NBEAL1: variants seen among roughly 807,000 people sequenced by gnomAD.
The protein encoded by NBEAL1 is neurobeachin-like protein 1.
NBEAL1 carries 273 observed loss-of-function variants against 351.3 expected under a neutral mutation model. The ratio of observed to expected loss-of-function variants is 0.78; its 90% CI spans 0.70 to 0.86. The LOEUF is 0.86. Ranked by LOEUF, NBEAL1 falls within the 40% of genes least tolerant of loss-of-function variation. The pLI, the probability that NBEAL1 is intolerant of heterozygous loss-of-function variation, is 0.00. For synonymous variants in NBEAL1, 1,050 were observed against 1,086.4 expected (o/e 0.97, Z 0.66); for missense variants, 2,961 against 3,201.3 (o/e 0.92, Z 1.81).
intron 6 of NBEAL1, among the ~76,000 whole-genome samples, chr2:203,058,345 A>G (rs1349516970): frequency 6.6e-6 from 1 of 152,134 alleles, no homozygotes; most frequent in Non-Finnish European, 1.5e-5. Context: ...CACACTTGGT[A>G]TTTTAAAAGA....
intron 24 of NBEAL1, among the ~76,000 whole-genome samples, chr2:203,129,297 T>G (rs2063019440): frequency 6.6e-6 from 1 of 152,216 alleles, no homozygotes; most frequent in African/African-American, 2.4e-5. Flanking sequence ...AGAGCCATTT[T>G]TGTGCTCTTC....
intron 46 of NBEAL1, chr2:203,190,647 G>T (rs1319678916): frequency 9.3e-6 from 10 of 1,073,770 alleles, no homozygotes; most frequent in Non-Finnish European, 1.3e-5. Context: ...GCCCAAAAAG[G>T]CACTTGCTTT....
At chr2:203,099,775 A>G (rs916576403) in intron 12 of NBEAL1, 63 bp downstream of exon 12, 2 of 1,112,984 alleles carry the variant, frequency 1.8e-6, no homozygotes, top group African/African-American at 1.6e-5. Flanking sequence ...TCAGGGGTAC[A>G]TGTGCAGGTT....
At chr2:203,160,762 G>A (rs759663227) in intron 36 of NBEAL1, among the ~76,000 whole-genome samples, 7 of 152,080 alleles carry the variant, frequency 4.6e-5, no homozygotes, top group African/African-American at 1.4e-4. Context: ...TGTTTTAACC[G>A]GCTGTGTGTT....
At chr2:203,107,573 A>G (rs2106231337) in intron 13 of NBEAL1, 35 bp from the exon 14 acceptor site, 7 of 1,544,434 alleles carry the variant, frequency 4.5e-6, no homozygotes, top group Non-Finnish European at 6.1e-6. Flanking sequence ...TTTGAAAATG[A>G]TAACTAACCT....
At chr2:203,089,123 C>T (rs2062018678) in intron 10 of NBEAL1, among the ~76,000 whole-genome samples, 1 of 152,118 alleles carries the variant, frequency 6.6e-6, no homozygotes, top group Non-Finnish European at 1.5e-5. Context: ...CTTTGGGAGG[C>T]CGAGGCAGGC....
intron 27 of NBEAL1, among the ~76,000 whole-genome samples, chr2:203,135,316 G>T (rs2063175203): frequency 6.6e-6 from 1 of 152,164 alleles, no homozygotes; most frequent in South Asian, 2.1e-4. Context: ...CATAGTAGGT[G>T]TGCAATAATA....
intron 12 of NBEAL1, among the ~76,000 whole-genome samples, chr2:203,100,689 G>T (rs2062298270): frequency 6.6e-6 from 1 of 151,870 alleles, no homozygotes. Context: ...TGGGATTACA[G>T]GTGTGCACCA....
chr2:203,206,258 T>A (rs954354341), intron 51 of NBEAL1, among the ~76,000 whole-genome samples: 14 of 152,170 alleles, frequency 9.2e-5, no homozygotes, highest in African/African-American at 1.7e-4. Flanking sequence ...TCCATAAATA[T>A]ATATACCTAC....
intron 36 of NBEAL1, among the ~76,000 whole-genome samples, chr2:203,164,194 A>G (rs1385233413): frequency 2.7e-5 from 4 of 150,828 alleles, no homozygotes; most frequent in African/African-American, 7.3e-5. Flanking sequence ...CTTTGAGAGA[A>G]AAAAAAAAGA....
intron 7 of NBEAL1, among the ~76,000 whole-genome samples, chr2:203,075,445 G>A (rs2061755040): frequency 6.6e-6 from 1 of 152,202 alleles, no homozygotes; most frequent in Non-Finnish European, 1.5e-5. Context: ...CTGTGGCTGA[G>A]TGGAACTCTG....
intron 3 of NBEAL1, among the ~76,000 whole-genome samples, chr2:203,044,482 T>TATC (rs1393424143): frequency 1.3e-5 from 2 of 152,306 alleles, no homozygotes; most frequent in African/African-American, 4.8e-5. Context: ...GTGCAGTTGT[T>TATC]ATCATCCATA....
At chr2:203,205,174 TA>T (rs1437153259) in intron 51 of NBEAL1, among the ~76,000 whole-genome samples, 2 of 152,200 alleles carry the variant, frequency 1.3e-5, no homozygotes, top group Non-Finnish European at 2.9e-5. Context: ...TTACTTCTAT[TA>T]TTTTTTTCTT....
intron 2 of NBEAL1, among the ~76,000 whole-genome samples, chr2:203,020,296 A>G (rs2060747386): frequency 6.6e-6 from 1 of 152,200 alleles, no homozygotes; most frequent in South Asian, 2.1e-4. Flanking sequence ...GTTATTGTAT[A>G]ATACAAGCAG....
At chr2:203,215,228 G>T (rs2065877221) in intron 55 of NBEAL1, among the ~76,000 whole-genome samples, 1 of 151,978 alleles carries the variant, frequency 6.6e-6, no homozygotes, top group Non-Finnish European at 1.5e-5. Flanking sequence ...TGGGCCAGGT[G>T]CAGTGCTCAC....
chr2:203,017,611 AT>A (rs1299070882), intron 2 of NBEAL1, among the ~76,000 whole-genome samples: 1 of 152,194 alleles, frequency 6.6e-6, no homozygotes, highest in African/African-American at 2.4e-5. Flanking sequence ...AATTTTTAGT[AT>A]GAATACCTAG....
intron 15 of NBEAL1, among the ~76,000 whole-genome samples, chr2:203,111,069 A>G (rs1443048911): frequency 2.6e-5 from 4 of 152,284 alleles, no homozygotes; most frequent in South Asian, 2.1e-4. Flanking sequence ...GGTGGGTGCT[A>G]TAACTCACAC....
At chr2:203,054,409 G>A (rs1430803739) in intron 4 of NBEAL1, among the ~76,000 whole-genome samples, 1 of 150,232 alleles carries the variant, frequency 6.7e-6, no homozygotes, top group South Asian at 2.1e-4. Flanking sequence ...CTGGGTGACA[G>A]AGCAAGACTC....
chr2:203,203,395 G>C (rs1575124770), intron 51 of NBEAL1, among the ~76,000 whole-genome samples: 1 of 152,034 alleles, frequency 6.6e-6, no homozygotes, highest in East Asian at 1.9e-4. Flanking sequence ...GGCTGGTCTT[G>C]AACTCCTGAC....
Sources: gnomAD v4.1 joint callset for allele counts (sites outside exome capture counted in the v4.1 genomes callset) on GRCh38, gnomAD v4.1.1 for gene constraint, MANE v1.5 for transcripts, NCBI Gene and HGNC (gene_info 2026-07-23, HGNC 2026-07-21) for gene names.